The following CRYBG1 variants were observed in gnomAD, a reference collection of about 807,000 sequenced individuals.
CRYBG1 encodes beta/gamma crystallin domain-containing protein 1.
CRYBG1 carries 139 observed loss-of-function variants against 189.2 expected under a neutral mutation model. The ratio of observed to expected loss-of-function variants is 0.73; its 90% CI spans 0.64 to 0.85. CRYBG1 has a LOEUF of 0.85. CRYBG1 is among the 40% of genes least tolerant of loss of function. CRYBG1 has a pLI of 0.00. For missense variants in CRYBG1, 2,611 were observed against 2,675.8 expected, an observed-to-expected ratio of 0.98 and a Z score of 0.53; for synonymous variants, 1,023 against 1,017.1, an observed-to-expected ratio of 1.01 and a Z score of -0.11.
At chr6:106,564,767 C>G (rs1774828063) in intron 21 of CRYBG1, among the ~76,000 whole-genome samples, 1 of 152,166 alleles carries the variant, frequency 6.6e-6, no homozygotes, top group Non-Finnish European at 1.5e-5. Context: ...TTGCTATTGA[C>G]AGGTGCAGAT....
intron 3 of CRYBG1, among the ~76,000 whole-genome samples, chr6:106,517,315 CACAT>C (rs1228125371): frequency 2.2e-5 from 3 of 136,478 alleles, no homozygotes; most frequent in East Asian, 4.1e-4. Flanking sequence ...CACACACACA[CACAT>C]ATATATATAC....
intron 21 of CRYBG1, 145 bp from the exon 22 acceptor site, chr6:106,568,327 C>T (rs1774952626): frequency 3.2e-6 from 2 of 631,102 alleles, no homozygotes. Context: ...CCCAGGCTTC[C>T]CTCCCTGCCT....
intron 2 of CRYBG1, among the ~76,000 whole-genome samples, chr6:106,475,962 T>C (rs902130402): frequency 6.6e-6 from 1 of 152,192 alleles, no homozygotes; most frequent in Non-Finnish European, 1.5e-5. Context: ...AAATGATAGA[T>C]GATGAGACAG....
In CRYBG1 at chr6:106,360,902, C is replaced by A; in HGVS notation, c.-7C>A. ...CCCGGCAGTCGGAGCGGGAGGAGGA[C>A]AAGACGATGCCGCTGTCCCCGCCAG... On this transcript the variant is annotated 5_prime_UTR_variant, in exon 1 of 22. Transcript: ENST00000633556. 4.6e-6 allele frequency: 7 copies of A among 1,531,200 alleles called. No individual in the cohort carries two copies. The highest frequency in any genetic ancestry group is 6.1e-6 in the Non-Finnish European group (7 of 1,144,518). The allele number at this position is 1,531,200 out of a possible 1,614,324, so 94.9% of individuals were successfully genotyped here.
At position 106,519,136 on chromosome 6, in the gene CRYBG1, C is replaced by T; in HGVS notation, c.1928C>T (p.Ala643Val). Residue 643 changes from alanine (A) to valine (V), a missense_variant, in exon 4 of 22, where the codon GCC (alanine) becomes GTC (valine). Ala to Val is a moderately conservative substitution (Grantham distance 64). Around this residue, in one of 3 missense-constraint regions of CRYBG1, gnomAD observed 985 missense variants for 924.4 expected, o/e 1.07. Coordinates refer to ENST00000633556, the MANE Select transcript of CRYBG1 (RefSeq NM_001371242.2). ...STVTTKVTLPAKPKHVELNLK... is the reference protein window; with the variant it reads ...STVTTKVTLPVKPKHVELNLK... ...TTCCTGCTTTTTCCTCACAGCCCTG[C>T]CAAGCCCAAACATGTGGAACTAAAT... is the stretch of plus-strand genomic sequence containing the variant. The T allele has an allele frequency of 6.2e-7, 1 of 1,610,312 alleles. No individual in the cohort carries two copies. The highest frequency in any genetic ancestry group is 8.5e-7 in the Non-Finnish European group (1 of 1,177,934).
intron 2 of CRYBG1, among the ~76,000 whole-genome samples, chr6:106,487,529 CTGT>C (rs1772618747): frequency 1.3e-5 from 2 of 152,248 alleles, no homozygotes; most frequent in South Asian, 2.1e-4. Context: ...TCTTTCTAGT[CTGT>C]TGTTGAAGCT....
intron 1 of CRYBG1, among the ~76,000 whole-genome samples, chr6:106,414,665 T>A (rs746740066): frequency 6.6e-6 from 1 of 152,182 alleles, no homozygotes; most frequent in Non-Finnish European, 1.5e-5. Flanking sequence ...GCAGGCAATG[T>A]TAAGTATGCT....
intron 4 of CRYBG1, among the ~76,000 whole-genome samples, chr6:106,523,662 T>C (rs974033135): frequency 2.6e-5 from 4 of 152,178 alleles, no homozygotes; most frequent in Non-Finnish European, 1.5e-5. Flanking sequence ...CTACTTCTAA[T>C]GTGTATATAT....
intron 1 of CRYBG1, among the ~76,000 whole-genome samples, chr6:106,420,509 CTGTT>C (rs1437085399): frequency 2.0e-5 from 3 of 152,200 alleles, no homozygotes; most frequent in Non-Finnish European, 2.9e-5. Context: ...TGACATCTGT[CTGTT>C]TGGGAACAAA....
chr6:106,436,857 C>T (rs1771470529), intron 1 of CRYBG1, among the ~76,000 whole-genome samples: 1 of 151,972 alleles, frequency 6.6e-6, no homozygotes, highest in African/African-American at 2.4e-5. Flanking sequence ...TTTTAAGTCT[C>T]TTGATAAGTA....
chr6:106,560,233 G>A (rs1024358092), intron 18 of CRYBG1, among the ~76,000 whole-genome samples: 3 of 152,176 alleles, frequency 2.0e-5, no homozygotes, highest in African/African-American at 7.2e-5. Context: ...TAAAAGTAGA[G>A]TGCATTCTTC....
intron 8 of CRYBG1, among the ~76,000 whole-genome samples, chr6:106,537,705 C>T (rs1237816440): frequency 6.6e-6 from 1 of 152,178 alleles, no homozygotes; most frequent in Non-Finnish European, 1.5e-5. Flanking sequence ...AAAGAACATT[C>T]CCAGCATCGC....
intron 1 of CRYBG1, among the ~76,000 whole-genome samples, chr6:106,361,984 T>TCTTTCTTTCTTTCTTTC (rs1251933570): frequency 7.0e-6 from 1 of 142,694 alleles, no homozygotes; most frequent in Non-Finnish European, 1.5e-5. Context: ...TTTTTTTTTT[T>TCTTTCTTTCTTTCTTTC]TTCTGAGACG....
chr6:106,408,406 G>A (rs1382450945), intron 1 of CRYBG1, among the ~76,000 whole-genome samples: 1 of 152,102 alleles, frequency 6.6e-6, no homozygotes, highest in East Asian at 1.9e-4. Context: ...AAAAAGCCTA[G>A]GACTAGGCAG....
rs59348560 is a variant in CRYBG1 at position 106,496,308 on chromosome 6, T to C, written c.313-15122T>C. Among the ~76,000 whole-genome samples the C allele has an allele frequency of 4.0e-3, 616 of 152,340 alleles. 6 individuals are homozygous for C. Among genetic ancestry groups the C allele is most frequent in the African/African-American group, 0.014 (593 of 41,562 alleles). ...ATAAGTATAAAGCCCCGATTAAATG[T>C]TGGGCGTTATTAGCCTTCCTTTTCT... On this transcript the variant is annotated intron_variant, in intron 2 of 21. Coordinates refer to ENST00000633556, the MANE Select transcript of CRYBG1 (RefSeq NM_001371242.2).
intron 3 of CRYBG1, among the ~76,000 whole-genome samples, chr6:106,517,397 TATATACACACACAC>T (rs1773458334): frequency 3.9e-5 from 5 of 128,296 alleles, no homozygotes; most frequent in Admixed American, 7.8e-5. Flanking sequence ...CACATATATA[TATATACACACACAC>T]ATATATACAC....
chr6:106,494,234 G>C (rs764167035), intron 2 of CRYBG1, among the ~76,000 whole-genome samples: 2 of 152,072 alleles, frequency 1.3e-5, no homozygotes, highest in Non-Finnish European at 2.9e-5. Flanking sequence ...GCAGGGGGTG[G>C]GCAGAGGAGA....
intron 1 of CRYBG1, among the ~76,000 whole-genome samples, chr6:106,440,801 T>A (rs1771553810): frequency 6.6e-6 from 1 of 152,220 alleles, no homozygotes; most frequent in Non-Finnish European, 1.5e-5. Flanking sequence ...ACCCACCATC[T>A]CTTTCTGATG....
At chr6:106,414,565 G>A (rs1163847815) in intron 1 of CRYBG1, among the ~76,000 whole-genome samples, 1 of 152,258 alleles carries the variant, frequency 6.6e-6, no homozygotes, top group Non-Finnish European at 1.5e-5. Context: ...CACTCAGTGA[G>A]TAGACTGGGA....
Sources: allele counts gnomAD v4.1 joint callset (sites outside exome capture counted in the v4.1 genomes callset), GRCh38; gene constraint gnomAD v4.1.1; regional missense constraint gnomAD v4.1.1; transcripts MANE v1.5; gene names NCBI Gene and HGNC (gene_info 2026-07-23, HGNC 2026-07-21).